Variants in ROR1 observed in about 807,000 individuals in gnomAD.
The protein encoded by ROR1 is inactive tyrosine-protein kinase transmembrane receptor ROR1.
Under a neutral mutation model 78.8 loss-of-function variants are expected in ROR1, and 19 were observed. The ratio of observed to expected loss-of-function variants is 0.24; its 90% CI spans 0.17 to 0.35. The LOEUF is 0.35. ROR1 is among the 10% of genes least tolerant of loss of function. The probability of loss-of-function intolerance (pLI) is 1.00; values close to 1 mark genes in which losing one functional copy is unlikely to be tolerated. For synonymous variants in ROR1, 386 were observed against 433.6 expected, an observed-to-expected ratio of 0.89 and a Z score of 1.36; for missense variants, 917 against 1,177.8, an observed-to-expected ratio of 0.78 and a Z score of 3.24.
chr1:64,130,411 A>G (rs1488577732), intron 4 of ROR1, among the ~76,000 whole-genome samples: 1 of 152,132 alleles, frequency 6.6e-6, no homozygotes, highest in East Asian at 1.9e-4. Flanking sequence ...TTAACCTGTA[A>G]TCTCTTGACC....
At position 64,054,878 on chromosome 1, in the gene ROR1, C is replaced by T. The variant is rs1394472636; in HGVS notation, c.482+4162C>T. 4.3e-4 allele frequency among the ~76,000 whole-genome samples: 65 copies of T among 152,216 alleles called. 1 individual carries two copies. Among genetic ancestry groups the T allele is most frequent in the Admixed American group, 4.2e-3 (65 of 15,296 alleles). ...CTTATGGCTATGAGGAAAGATTTCT[C>T]CTTTCCAGAAGTGTGTCAGAATTTT... is the stretch of plus-strand genomic sequence containing the variant. On this transcript the variant is annotated intron_variant, in intron 4 of 8. Coordinates refer to ENST00000371079, the MANE Select transcript of ROR1 (RefSeq NM_005012.4).
At chr1:63,821,516 G>A (rs1453546601) in intron 1 of ROR1, among the ~76,000 whole-genome samples, 4 of 152,202 alleles carry the variant, frequency 2.6e-5, no homozygotes, top group Non-Finnish European at 4.4e-5. Context: ...GAAACTGAGA[G>A]CACCCGTGTG....
At chr1:64,084,601 T>C (rs1328774963) in intron 4 of ROR1, among the ~76,000 whole-genome samples, 1 of 152,210 alleles carries the variant, frequency 6.6e-6, no homozygotes, top group East Asian at 1.9e-4. Context: ...GAAGTGGCTC[T>C]TTATGGAGAG....
At chr1:64,142,698 C>A in intron 7 of ROR1, 48 bp downstream of exon 7, 1 of 1,602,594 alleles carries the variant, frequency 6.2e-7, no homozygotes, top group Non-Finnish European at 8.5e-7. Flanking sequence ...CTTTAAAGAT[C>A]CCTATCCTAC....
intron 2 of ROR1, among the ~76,000 whole-genome samples, chr1:64,013,413 C>T (rs1159274646): frequency 6.6e-6 from 1 of 152,140 alleles, no homozygotes; most frequent in African/African-American, 2.4e-5. Flanking sequence ...TACCTCCTGT[C>T]CCCATACTCA....
At chr1:63,874,536 G>A (rs562811874) in intron 1 of ROR1, among the ~76,000 whole-genome samples, 2 of 152,072 alleles carry the variant, frequency 1.3e-5, no homozygotes, top group Admixed American at 1.3e-4. Flanking sequence ...ACTTCTGCTG[G>A]ATACATTCTG....
intron 2 of ROR1, among the ~76,000 whole-genome samples, chr1:64,029,762 A>G (rs1365739518): frequency 1.3e-5 from 2 of 152,164 alleles, no homozygotes; most frequent in African/African-American, 4.8e-5. Context: ...CCCTGTCTCC[A>G]AATACAGTCA....
chr1:63,775,014 T>TG (rs1381372182), intron 1 of ROR1, among the ~76,000 whole-genome samples: 1 of 152,038 alleles, frequency 6.6e-6, no homozygotes, highest in Non-Finnish European at 1.5e-5. Context: ...CCTGTCCTCC[T>TG]GGGGCTCCGG....
chr1:63,999,181 C>G (rs977565335), intron 1 of ROR1, among the ~76,000 whole-genome samples: 2 of 152,232 alleles, frequency 1.3e-5, no homozygotes, highest in African/African-American at 2.4e-5. Flanking sequence ...GAGGCATTCT[C>G]TGTTTCCAAT....
At chr1:64,031,685 A>G (rs1646660968) in intron 2 of ROR1, among the ~76,000 whole-genome samples, 1 of 152,208 alleles carries the variant, frequency 6.6e-6, no homozygotes, top group East Asian at 1.9e-4. Context: ...TTTCTACTCA[A>G]CAGAATTGGA....
At chr1:64,115,733 G>A (rs186615458) in intron 4 of ROR1, among the ~76,000 whole-genome samples, 5 of 152,052 alleles carry the variant, frequency 3.3e-5, no homozygotes, top group East Asian at 3.9e-4. Flanking sequence ...AAGGTTGAGC[G>A]GCATTGTAAA....
At chr1:63,933,328 T>C (rs908099683) in intron 1 of ROR1, among the ~76,000 whole-genome samples, 6 of 152,298 alleles carry the variant, frequency 3.9e-5, no homozygotes, top group South Asian at 2.1e-4. Context: ...CCTCAGATGG[T>C]TGTGACAGTC....
At chr1:63,989,349 A>T (rs1209186358) in intron 1 of ROR1, among the ~76,000 whole-genome samples, 1 of 152,090 alleles carries the variant, frequency 6.6e-6, no homozygotes, top group Non-Finnish European at 1.5e-5. Flanking sequence ...TATGAGGATG[A>T]AATGAGAAAA....
chr1:63,864,822 G>T (rs1645204705), intron 1 of ROR1, among the ~76,000 whole-genome samples: 5 of 145,422 alleles, frequency 3.4e-5, no homozygotes, highest in South Asian at 2.2e-4. Flanking sequence ...TCCAAATTTT[G>T]GAACCTCAAA....
At chr1:63,800,081 C>T (rs1644786227) in intron 1 of ROR1, among the ~76,000 whole-genome samples, 1 of 152,140 alleles carries the variant, frequency 6.6e-6, no homozygotes, top group Non-Finnish European at 1.5e-5. Flanking sequence ...GATGGGCAGG[C>T]AGCCAGGCTC....
intron 4 of ROR1, among the ~76,000 whole-genome samples, chr1:64,096,207 A>G (rs1647295269): frequency 6.6e-6 from 1 of 152,072 alleles, no homozygotes; most frequent in Non-Finnish European, 1.5e-5. Flanking sequence ...CCCAGGATGT[A>G]TTTGAAATAA....
intron 1 of ROR1, among the ~76,000 whole-genome samples, chr1:63,903,466 T>A (rs1268064229): frequency 6.6e-6 from 1 of 152,036 alleles, no homozygotes; most frequent in Non-Finnish European, 1.5e-5. Flanking sequence ...CTGATTTTAT[T>A]TATGTGTTTG....
At chr1:63,846,232 C>A (rs924174438) in intron 1 of ROR1, among the ~76,000 whole-genome samples, 7 of 150,858 alleles carry the variant, frequency 4.6e-5, no homozygotes, top group African/African-American at 1.7e-4. Flanking sequence ...GTGGCCTACC[C>A]CTCACATCTG....
At chr1:63,946,662 G>T (rs1287097151) in intron 1 of ROR1, among the ~76,000 whole-genome samples, 1 of 152,156 alleles carries the variant, frequency 6.6e-6, no homozygotes, top group Non-Finnish European at 1.5e-5. Context: ...TGATTTATAT[G>T]ACTATTAAGG....
Sources: allele counts gnomAD v4.1 joint callset (sites outside exome capture counted in the v4.1 genomes callset), GRCh38; gene constraint gnomAD v4.1.1; transcripts MANE v1.5; gene names NCBI Gene and HGNC (gene_info 2026-07-23, HGNC 2026-07-21).